The following STK40 variants were observed in gnomAD, a reference collection of about 807,000 sequenced individuals.
The protein encoded by STK40 is serine/threonine-protein kinase 40.
STK40 carries 13 observed loss-of-function variants against 47.9 expected under a neutral mutation model. That is an observed-to-expected ratio of 0.27 (90% CI 0.18 to 0.43). The LOEUF is 0.43. Ranked by LOEUF, STK40 falls within the 20% of genes least tolerant of loss-of-function variation. The pLI, the probability that STK40 is intolerant of heterozygous loss-of-function variation, is 1.00. For missense variants in STK40, 460 were observed against 595.1 expected (o/e 0.77, Z 2.36); for synonymous variants, 225 against 243.2 (o/e 0.93, Z 0.69).
chr1:36,357,944 G>A (rs1213326206), intron 4 of STK40, among the ~76,000 whole-genome samples: 1 of 152,168 alleles, frequency 6.6e-6, no homozygotes, highest in Non-Finnish European at 1.5e-5. Flanking sequence ...GTGACTTCTT[G>A]CTTTCCTCTT....
chr1:36,343,145 C>G, intron 10 of STK40: 2 of 683,444 alleles, frequency 2.9e-6, no homozygotes, highest in East Asian at 2.7e-5. Flanking sequence ...TCTCACAGGT[C>G]TCTCTGGCCA....
rs1211149699 is a variant in STK40 at position 36,366,839 on chromosome 1, T to C, written c.-8-5499A>G. Among the ~76,000 whole-genome samples, 17 of 149,698 alleles carry C rather than the reference T, an allele frequency of 1.1e-4. No homozygotes were observed. In the East Asian group the frequency reaches 1.2e-3, roughly 10 times the overall value. On this transcript the variant is annotated intron_variant, in intron 1 of 10. Coordinates refer to ENST00000373132, the MANE Select transcript of STK40 (RefSeq NM_001282547.2). ...ACTCTTCTACATTCTTCTTCTTCTT[T>C]TTTTTTTTTTTTTGAGACAGAGTCT...
intron 6 of STK40, 24 bp downstream of exon 6, chr1:36,354,340 T>C: frequency 6.2e-7 from 1 of 1,613,602 alleles, no homozygotes; most frequent in African/African-American, 1.3e-5. Context: ...GGTAACTGTA[T>C]GGATGTAGAG....
rs569781960 is a variant in STK40, at chr1:36,352,163, C to T, written c.623+2201G>A. On this transcript the variant is annotated intron_variant, in intron 6 of 10. Coordinates refer to ENST00000373132, the MANE Select transcript of STK40 (RefSeq NM_001282547.2). ...TGATGCAGAGCTATGGCTGGGGGAC[C>T]GCTGGGCCCTCACCAGGGGTGTCCT... Among the ~76,000 whole-genome samples the T allele has an allele frequency of 5.3e-5, 8 of 152,296 alleles. No homozygotes were observed. The East Asian group carries it at 1.2e-3, about 22-fold the overall frequency.
intron 6 of STK40, among the ~76,000 whole-genome samples, chr1:36,351,014 G>T (rs1646747471): frequency 6.6e-6 from 1 of 152,236 alleles, no homozygotes; most frequent in Admixed American, 6.5e-5. Context: ...GGTCCTGACA[G>T]GAGGGGGCAA....
At chr1:36,360,972 C>T (rs1208213713) in intron 2 of STK40, among the ~76,000 whole-genome samples, 1 of 152,180 alleles carries the variant, frequency 6.6e-6, no homozygotes, top group Non-Finnish European at 1.5e-5. Flanking sequence ...TAAGGCTGAT[C>T]TAAGGCTGGT....
chr1:36,343,846 G>T lies in STK40; in HGVS notation c.1004+14C>A, dbSNP rs1318936677. On this transcript the variant is annotated intron_variant, in intron 9 of 10. Coordinates refer to ENST00000373132, the MANE Select transcript of STK40 (RefSeq NM_001282547.2). ...GACGCAGCCTTGTGCCCGGTCAAGT[G>T]CCTGTCCACTTACCATGATGCAATG... 1 of 1,570,954 alleles carries T rather than the reference G, an allele frequency of 6.4e-7. No individual in the cohort carries two copies. The highest frequency in any genetic ancestry group is 1.8e-5 in the Admixed American group (1 of 55,310).
chr1:36,365,818 T>A (rs1242359701), intron 1 of STK40, among the ~76,000 whole-genome samples: 1 of 152,230 alleles, frequency 6.6e-6, no homozygotes, highest in Non-Finnish European at 1.5e-5. Context: ...ATGTATTTAT[T>A]TGTGTTTATA....
chr1:36,352,219 T>C (rs1327744877), intron 6 of STK40, among the ~76,000 whole-genome samples: 1 of 152,146 alleles, frequency 6.6e-6, no homozygotes, highest in African/African-American at 2.4e-5. Context: ...GCAGGCCTCA[T>C]CTCCAGAGAT....
intron 1 of STK40, among the ~76,000 whole-genome samples, chr1:36,375,968 G>A (rs1216518305): frequency 4.0e-5 from 6 of 151,868 alleles, no homozygotes; most frequent in African/African-American, 9.7e-5. Context: ...GCTGCAGTGC[G>A]CTGAGATCGC....
chr1:36,367,871 T>G (rs1646915125), intron 1 of STK40: 1 of 985,366 alleles, frequency 1.0e-6, no homozygotes, highest in African/African-American at 1.7e-5. Flanking sequence ...AGTAAGGGAC[T>G]GTCCAGGATG....
chr1:36,358,868 G>C (rs749368971), intron 2 of STK40, 46 bp from the exon 3 acceptor site: 1 of 1,608,396 alleles, frequency 6.2e-7, no homozygotes, highest in Non-Finnish European at 8.5e-7. Flanking sequence ...AGCCCTGGCT[G>C]TCACGACGCC....
chr1:36,361,335 T>G lies in STK40; in HGVS notation c.-3A>C, dbSNP rs777148635. On this transcript the variant is annotated 5_prime_UTR_variant, in exon 2 of 11. Transcript: ENST00000373132. ...CTGTCTGATGCTCTCCGCTTCATTC[T>G]CAGCTCTAGACAAGACAGAAAGACC... The G allele has an allele frequency of 6.2e-7, 1 of 1,614,154 alleles. No homozygotes were observed. Among genetic ancestry groups the G allele is most frequent in the Non-Finnish European group, 8.5e-7 (1 of 1,180,038 alleles).
At chr1:36,361,382 C>T (rs759486789) in intron 1 of STK40, 42 bp from the exon 2 acceptor site, 8 of 1,611,042 alleles carry the variant, frequency 5.0e-6, no homozygotes, top group East Asian at 4.5e-5. Context: ...AGTAAGTCAG[C>T]GAGTTTCCTT....
At chr1:36,345,968 C>CATATATATATATATATAT (rs1553135169) in intron 7 of STK40, among the ~76,000 whole-genome samples, 2 of 29,934 alleles carry the variant, frequency 6.7e-5, no homozygotes, top group African/African-American at 2.7e-4. Context: ...AAGGGCATTA[C>CATATATATATATATATAT]ATATATATAT....
At chr1:36,354,734 T>C (rs1247435765) in intron 5 of STK40, among the ~76,000 whole-genome samples, 1 of 152,078 alleles carries the variant, frequency 6.6e-6, no homozygotes, top group Non-Finnish European at 1.5e-5. Context: ...ATGGACAGGA[T>C]GGATCTGGGG....
rs755728323 is a variant in STK40, at chr1:36,341,698, G to A, written c.*57C>T. ...TACAGGGCCCAGCCCTGACAGCCAC[G>A]CCTTTGGCTGGGGCTGGAAGAAGTG... is the stretch of plus-strand genomic sequence containing the variant. On this transcript the variant is annotated 3_prime_UTR_variant, in exon 11 of 11. Transcript: ENST00000373132. 1.0e-5 allele frequency: 16 copies of A among 1,588,954 alleles called. No individual in the cohort carries two copies. Among genetic ancestry groups the A allele is most frequent in the South Asian group, 5.6e-5 (5 of 89,476 alleles).
chr1:36,368,293 G>A (rs1036111221), intron 1 of STK40, among the ~76,000 whole-genome samples: 1 of 151,110 alleles, frequency 6.6e-6, no homozygotes, highest in Non-Finnish European at 1.5e-5. Flanking sequence ...ATTTTTTTTC[G>A]AGACAGGGTC....
intron 1 of STK40, among the ~76,000 whole-genome samples, chr1:36,369,785 C>T (rs564969045): frequency 5.9e-4 from 90 of 152,340 alleles, no homozygotes; most frequent in Non-Finnish European, 9.0e-4. Context: ...TCCAATCCAC[C>T]GCTGCCTCCC....
Sources: gnomAD v4.1 joint callset for allele counts (sites outside exome capture counted in the v4.1 genomes callset) on GRCh38, gnomAD v4.1.1 for gene constraint, MANE v1.5 for transcripts, NCBI Gene and HGNC (gene_info 2026-07-23, HGNC 2026-07-21) for gene names.